Variants in MBD3 observed in about 807,000 individuals in gnomAD.
MBD3 encodes the protein methyl-CpG-binding domain protein 3.
MBD3 carries 13 observed loss-of-function variants against 31.2 expected under a neutral mutation model. That is an observed-to-expected ratio of 0.42 (90% CI 0.27 to 0.66). The LOEUF (loss-of-function observed/expected upper bound fraction) is 0.66. Ranked by LOEUF, MBD3 falls within the 30% of genes least tolerant of loss-of-function variation. The pLI, the probability that MBD3 is intolerant of heterozygous loss-of-function variation, is 0.26. For missense variants in MBD3, 440 were observed against 426.5 expected (o/e 1.03, Z -0.28); for synonymous variants, 223 against 187.4 (o/e 1.19, Z -1.55).
Position 1,585,477 on chromosome 19 carries a change from C to T in MBD3, c.111-263G>A. On this transcript the variant is annotated intron_variant, in intron 1 of 6. Transcript: ENST00000434436. The surrounding 1 kb of genome is among the most constrained non-coding windows in gnomAD (Gnocchi z 4.1). ...CTGGGCGCCAGCCAGACCCAGAGCA[C>T]TGGCCCCGATCCTCACACCCTGGCC... The T allele has an allele frequency of 8.0e-6, 4 of 502,236 alleles. No individual in the cohort carries two copies. The South Asian group carries it at 8.3e-5, about 10-fold the overall frequency. 31.1% of individuals were successfully genotyped at this position (502,236 alleles called of 1,614,324 possible). A position where few individuals can be genotyped will look rare whatever the true frequency, so the allele number is the denominator to read the frequency against.
intron 5 of MBD3, 141 bp downstream of exon 5, chr19:1,580,951 C>T (rs2145595484): frequency 1.8e-6 from 2 of 1,092,350 alleles, no homozygotes; most frequent in Middle Eastern, 2.3e-4. Context: ...ACGATGGGTC[C>T]CCTTGCCCTG....
chr19:1,578,305 C>T lies in MBD3; in HGVS notation c.*5+30G>A. 6.3e-7 allele frequency: 1 copy of T among 1,599,962 alleles called. No homozygotes were observed. Among genetic ancestry groups the T allele is most frequent in the South Asian group, 1.1e-5 (1 of 90,986 alleles). On this transcript the variant is annotated intron_variant, in intron 6 of 6. Coordinates refer to ENST00000434436, the MANE Select transcript of MBD3 (RefSeq NM_001281453.2). This position sits in a 1 kb window ranked among gnomAD's most constrained non-coding sequence, Gnocchi z 6.1. Reference sequence around the variant, plus strand: ...GGCAGTCCCCACTGCCAGGACCCGACTCCAGGGAGCCCCCGTGGCCCCGCA... The same window carrying T: ...GGCAGTCCCCACTGCCAGGACCCGATTCCAGGGAGCCCCCGTGGCCCCGCA...
At chr19:1,587,926 GC>G (rs2060686721) in intron 1 of MBD3, among the ~76,000 whole-genome samples, 2 of 151,978 alleles carry the variant, frequency 1.3e-5, no homozygotes, top group Non-Finnish European at 2.9e-5. Context: ...TTCTGCCCCT[GC>G]CCCAGACGTC....
chr19:1,592,314 C>G (rs1043013814), intron 1 of MBD3: 3 of 164,618 alleles, frequency 1.8e-5, no homozygotes, highest in Non-Finnish European at 3.9e-5. Context: ...AGTCCCTGAA[C>G]GGCCGGCCGA....
intron 1 of MBD3, 70 bp downstream of exon 1, chr19:1,592,425 GGCCCAGGCCGCGGCCCGGGGCAGGGGC>G (rs1188078121): frequency 2.9e-5 from 10 of 342,336 alleles, no homozygotes; most frequent in East Asian, 9.7e-5. Flanking sequence ...GCACGCGCGG[GGCCCAGGCCGCGGCCCGGGGCAGGGGC>G]GCCGAGGCCG....
intron 1 of MBD3, among the ~76,000 whole-genome samples, chr19:1,587,158 G>C (rs1475190200): frequency 2.0e-5 from 3 of 151,098 alleles, no homozygotes; most frequent in Non-Finnish European, 4.4e-5. Flanking sequence ...GTAGAGGTGG[G>C]GTTTCACAGT....
Position 1,574,916 on chromosome 19 carries a change from G to T in MBD3, c.*3248C>A, listed in dbSNP as rs1915365938. ...GTCTGGGGGCTGCAGGGACAGCAAGGCACGGGCCCTGGGTGTGGCAGGAGA... is the reference window on the plus strand; with the variant it reads ...GTCTGGGGGCTGCAGGGACAGCAAGTCACGGGCCCTGGGTGTGGCAGGAGA... On this transcript the variant is annotated 3_prime_UTR_variant, in exon 7 of 7. Coordinates refer to ENST00000434436, the MANE Select transcript of MBD3 (RefSeq NM_001281453.2). 6.6e-6 allele frequency: 2 copies of T among 301,714 alleles called. No homozygotes were observed. The highest frequency in any genetic ancestry group is 1.3e-5 in the Non-Finnish European group (2 of 150,278). 18.7% of individuals were successfully genotyped at this position (301,714 alleles called of 1,614,324 possible). A position where few individuals can be genotyped will look rare whatever the true frequency, so the allele number is the denominator to read the frequency against.
At position 1,591,785 on chromosome 19, in the gene MBD3, G is replaced by A. The variant is rs958216539; in HGVS notation, c.110+737C>T. Among the ~76,000 whole-genome samples, 3 of 152,116 alleles carry A rather than the reference G, an allele frequency of 2.0e-5. 1 individual carries two copies. The South Asian group carries it at 6.2e-4, about 31-fold the overall frequency. On this transcript the variant is annotated intron_variant, in intron 1 of 6. Transcript: ENST00000434436. ...GCGACTAAGTCTTTGTTCCACGGAG[G>A]GGGTTCCCTGCGACCTTTCAGAGCA...
chr19:1,578,125 C>T lies in MBD3; in HGVS notation c.*39G>A. The T allele has an allele frequency of 2.7e-6, 2 of 739,512 alleles. No individual in the cohort carries two copies. 45.8% of individuals were successfully genotyped at this position (739,512 alleles called of 1,614,324 possible). On this transcript the variant is annotated 3_prime_UTR_variant, in exon 7 of 7. Transcript: ENST00000434436. This position sits in a 1 kb window ranked among gnomAD's most constrained non-coding sequence, Gnocchi z 6.1. ...GGCCGAGGACCGCGTCTGCAGGCGG[C>T]TCCAGCAGGCAGCACGGGCTCTCGG...
intron 1 of MBD3, among the ~76,000 whole-genome samples, chr19:1,587,334 T>C (rs1263861515): frequency 2.6e-5 from 4 of 152,018 alleles, no homozygotes; most frequent in Admixed American, 1.3e-4. Flanking sequence ...ACTCCTGAGC[T>C]CAAGCAGTCC....
At chr19:1,582,545 A>T in intron 4 of MBD3, 77 bp downstream of exon 4, 1 of 1,366,204 alleles carries the variant, frequency 7.3e-7, no homozygotes, top group Non-Finnish European at 1.0e-6. Context: ...CCACCCTGCC[A>T]GGAGATGAGG....
rs1378080750 is a variant in MBD3, at chr19:1,575,583, T to C, written c.*2581A>G. The C allele has an allele frequency of 5.4e-6, 1 of 185,196 alleles. No homozygotes were observed. Among genetic ancestry groups the C allele is most frequent in the African/African-American group, 2.4e-5 (1 of 41,864 alleles). The allele number at this position is 185,196 out of a possible 1,614,324, so 11.5% of individuals were successfully genotyped here. On this transcript the variant is annotated 3_prime_UTR_variant, in exon 7 of 7. Transcript: ENST00000434436. ...AGGCTTCCCCGCCCCATGCCAGGTC[T>C]GGGTTCTGGGGCTGGAGTGTGGAGC...
rs774375378 is a variant in MBD3 at position 1,574,412 on chromosome 19, A to T, written c.*3752T>A. 3 of 152,290 alleles carry T rather than the reference A, an allele frequency of 2.0e-5. No individual in the cohort carries two copies. Among genetic ancestry groups the T allele is most frequent in the Non-Finnish European group, 4.4e-5 (3 of 68,112 alleles). 9.4% of individuals were successfully genotyped at this position (152,290 alleles called of 1,614,324 possible). ...CCCACGTGTCCCCTTCCTGTCTCTG[A>T]ATCGGCCTGTCCTGGACATTCACAC... On this transcript the variant is annotated 3_prime_UTR_variant, in exon 7 of 7. Coordinates refer to ENST00000434436, the MANE Select transcript of MBD3 (RefSeq NM_001281453.2).
intron 5 of MBD3, among the ~76,000 whole-genome samples, chr19:1,579,233 C>T (rs1233950629): frequency 6.8e-6 from 1 of 145,986 alleles, no homozygotes; most frequent in Non-Finnish European, 1.5e-5. Flanking sequence ...AAATCAGCTA[C>T]CATCAGCCCG....
In MBD3 at chr19:1,574,427, G is replaced by A; in HGVS notation, c.*3737C>T. On this transcript the variant is annotated 3_prime_UTR_variant, in exon 7 of 7. Transcript: ENST00000434436. ...CCTGTCTCTGAATCGGCCTGTCCTG[G>A]ACATTCACACAAATGGGATTGCACG... is the stretch of plus-strand genomic sequence containing the variant. The A allele has an allele frequency of 6.6e-6, 1 of 152,392 alleles. No individual in the cohort carries two copies. 9.4% of individuals were successfully genotyped at this position (152,392 alleles called of 1,614,324 possible).
intron 1 of MBD3, among the ~76,000 whole-genome samples, chr19:1,587,281 T>A (rs1012910250): frequency 2.1e-4 from 32 of 152,044 alleles, no homozygotes; most frequent in Admixed American, 2.1e-3. Context: ...TATATTTTTT[T>A]AATAGAGATA....
chr19:1,588,779 C>CAAAA (rs750933978), intron 1 of MBD3, among the ~76,000 whole-genome samples: 1,033 of 54,550 alleles, frequency 0.019, 22 homozygotes, highest in African/African-American at 0.04. Context: ...ACTGTGTCTC[C>CAAAA]AAAAAAAAAA....
chr19:1,584,926 T>C, intron 2 of MBD3, 129 bp downstream of exon 2: 1 of 1,351,236 alleles, frequency 7.4e-7, no homozygotes, highest in Non-Finnish European at 1.0e-6. Context: ...CCTTCCGCTC[T>C]GTGCCCTCCG....
At chr19:1,579,118 A>C (rs1435937023) in intron 5 of MBD3, among the ~76,000 whole-genome samples, 5 of 125,868 alleles carry the variant, frequency 4.0e-5, no homozygotes, top group African/African-American at 1.5e-4. Context: ...CGGGAGGCGG[A>C]GGTTGCAGTG....
Sources: gnomAD v4.1 joint callset for allele counts (sites outside exome capture counted in the v4.1 genomes callset) on GRCh38, gnomAD v4.1.1 for gene constraint, Gnocchi (gnomAD v3.1) non-coding constraint, MANE v1.5 for transcripts, NCBI Gene and HGNC (gene_info 2026-07-23, HGNC 2026-07-21) for gene names.